Variants in ENC1 observed in about 807,000 individuals in gnomAD.
The protein encoded by ENC1 is ectodermal-neural cortex 1, also known as ectoderm-neural cortex protein 1.
In ENC1, 19 loss-of-function variants were observed where a neutral mutation model predicts 40.9. That is an observed-to-expected ratio of 0.46 (90% CI 0.32 to 0.68). The LOEUF (loss-of-function observed/expected upper bound fraction) is 0.68, where lower values mean the gene tolerates loss of function less well. Among genes scored for constraint, ENC1 ranks in the 30% least tolerant of loss-of-function variants. ENC1 has a pLI of 0.03. For synonymous variants in ENC1, 285 were observed against 291.1 expected (o/e 0.98, Z 0.21); for missense variants, 479 against 737.5 (o/e 0.65, Z 4.06).
chr5:74,639,287 ATGAAT>A (rs1747735655), intron 1 of ENC1, among the ~76,000 whole-genome samples: 1 of 152,254 alleles, frequency 6.6e-6, no homozygotes, highest in South Asian at 2.1e-4. Context: ...TCAACATAAA[ATGAAT>A]CATCTTTCGA....
Position 74,634,285 on chromosome 5 carries a change from C to T in ENC1, c.*32+399G>A, listed in dbSNP as rs574762281. On this transcript the variant is annotated intron_variant, in intron 2 of 2. Transcript: ENST00000302351. ...AAAATTAGCTAGGCCTGGTGGTGGG[C>T]GCCTGTATCCCAGCTATTCGGGAGG... is the stretch of plus-strand genomic sequence containing the variant. 5.3e-5 allele frequency among the ~76,000 whole-genome samples: 8 copies of T among 152,062 alleles called. No homozygotes were observed. The East Asian group carries it at 7.7e-4, about 15-fold the overall frequency.
chr5:74,635,066 C>T lies in ENC1; in HGVS notation c.1420G>A (p.Val474Ile), dbSNP rs771037231. Residue 474 changes from valine (V) to isoleucine (I), a missense_variant, in exon 2 of 3, where the codon GTA (valine) becomes ATA (isoleucine). Coordinates refer to ENST00000302351, the MANE Select transcript of ENC1 (RefSeq NM_003633.4). This position sits in a 1 kb window ranked among gnomAD's most constrained non-coding sequence, Gnocchi z 5.5. ...CYDQCENRWT[V>I]PATCPQPWRY... is the part of the protein sequence containing the mutation. ...CAGGGCTGGGGACAGGTGGCCGGTA[C>T]AGTCCACCTGTTTTCACACTGATCG... is the stretch of plus-strand genomic sequence containing the variant. 6.8e-6 allele frequency: 11 copies of T among 1,614,104 alleles called. No homozygotes were observed. The highest frequency in any genetic ancestry group is 1.3e-5 in the African/African-American group (1 of 74,932).
At chr5:74,631,195 C>A (rs1393295127) in intron 2 of ENC1, among the ~76,000 whole-genome samples, 1 of 150,374 alleles carries the variant, frequency 6.7e-6, no homozygotes, top group African/African-American at 2.4e-5. Flanking sequence ...ACAACAACAA[C>A]AACAACAAAA....
Position 74,636,304 on chromosome 5 carries a change from CG to C in ENC1, c.181del (p.Arg61GlyfsTer19), listed in dbSNP as rs892523386. The C allele has an allele frequency of 1.2e-6, 2 of 1,614,112 alleles. No homozygotes were observed. The highest frequency in any genetic ancestry group is 2.7e-5 in the African/African-American group (2 of 75,008). ...GCGACTGCATGCAGCCAGCACTGCCCGGTGGCAAGGGAAGGTCCTATTTCCG... is the reference window on the plus strand; with the variant it reads ...GCGACTGCATGCAGCCAGCACTGCCCGTGGCAAGGGAAGGTCCTATTTCCG... ...HAGNRTFPCH[R>X]AVLAACSRYF... On this transcript the variant is annotated frameshift_variant, in exon 2 of 3. Coordinates refer to ENST00000302351, the MANE Select transcript of ENC1 (RefSeq NM_003633.4). LOFTEE classifies it high-confidence loss of function. This position sits in a 1 kb window ranked among gnomAD's most constrained non-coding sequence, Gnocchi z 4.8.
In ENC1 at chr5:74,634,731, T is replaced by C; in HGVS notation, c.1755A>G (p.Lys585=). 3.7e-6 allele frequency: 6 copies of C among 1,608,682 alleles called. No individual in the cohort carries two copies. The highest frequency in any genetic ancestry group is 3.4e-6 in the Non-Finnish European group (4 of 1,175,318). Residue 585 remains lysine, a synonymous_variant, in exon 2 of 3, where the codon AAA becomes AAG. Transcript: ENST00000302351. ...TGTACTGCATTTAAGAAGGCAGATG[T>C]TTCCAGGTGCTGACAAATGCAGTAG... The part of the protein sequence containing the change: ...LIPTAFVSTW[K]HLPS
At chr5:74,639,116 A>T (rs1345586716) in intron 1 of ENC1, among the ~76,000 whole-genome samples, 1 of 152,258 alleles carries the variant, frequency 6.6e-6, no homozygotes, top group African/African-American at 2.4e-5. Context: ...ATGGAAAAGC[A>T]CGTCACAGTC....
Position 74,628,043 on chromosome 5 carries a change from A to G in ENC1, c.*1982T>C, listed in dbSNP as rs1450261805. The G allele has an allele frequency of 2.0e-5, 3 of 152,600 alleles. No individual in the cohort carries two copies. The highest frequency in any genetic ancestry group is 4.4e-5 in the Non-Finnish European group (3 of 68,034). 9.5% of individuals were successfully genotyped at this position (152,600 alleles called of 1,614,324 possible). ...ACATCTCTCTTGGCAGATTTGCATC[A>G]TAAACTACAGAGCTGTAACTGCTAC... is the stretch of plus-strand genomic sequence containing the variant. On this transcript the variant is annotated 3_prime_UTR_variant, in exon 3 of 3. Coordinates refer to ENST00000302351, the MANE Select transcript of ENC1 (RefSeq NM_003633.4).
At chr5:74,638,393 T>C (rs1260577338) in intron 1 of ENC1, among the ~76,000 whole-genome samples, 1 of 152,200 alleles carries the variant, frequency 6.6e-6, no homozygotes, top group African/African-American at 2.4e-5. Context: ...CTTTCCTTTT[T>C]GGAATATAAT....
rs552034936 is a variant in ENC1 at position 74,637,641 on chromosome 5, C to T, written c.-13-1143G>A. Reference sequence around the variant, plus strand: ...CAGCTGCAAGAACAAAAGATCCATCCGTCTTTTGATTAAATAGTGCATCAC... The same window carrying T: ...CAGCTGCAAGAACAAAAGATCCATCTGTCTTTTGATTAAATAGTGCATCAC... On this transcript the variant is annotated intron_variant, in intron 1 of 2. Coordinates refer to ENST00000302351, the MANE Select transcript of ENC1 (RefSeq NM_003633.4). 4.6e-5 allele frequency: 7 copies of T among 152,278 alleles called. No homozygotes were observed. In the South Asian group the frequency reaches 8.3e-4, roughly 18 times the overall value. The allele number at this position is 152,278 out of a possible 1,614,324, so 9.4% of individuals were successfully genotyped here.
At position 74,635,812 on chromosome 5, in the gene ENC1, C is replaced by A; in HGVS notation, c.674G>T (p.Arg225Leu). ...CAACAGTTCTGGGAGGTAGCAATAG[C>A]GCTTCTTCAGGTCATAGCTGATCCA... The part of the protein sequence containing the change: ...INWISYDLKK[R>L]YCYLPELLQT... The change falls in exon 2 of 3, where the codon CGC becomes CTC. Residue 225 changes from arginine to leucine, a missense_variant. Transcript: ENST00000302351. The surrounding 1 kb of genome is among the most constrained non-coding windows in gnomAD (Gnocchi z 5.5). The A allele has an allele frequency of 6.2e-7, 1 of 1,613,998 alleles. No homozygotes were observed. Among genetic ancestry groups the A allele is most frequent in the Non-Finnish European group, 8.5e-7 (1 of 1,180,012 alleles).
chr5:74,634,601 G>A (rs1237816289), intron 2 of ENC1, 83 bp downstream of exon 2: 2 of 687,236 alleles, frequency 2.9e-6, no homozygotes, highest in African/African-American at 3.6e-5. Context: ...TACAGTCTCT[G>A]TGGATCAGAT....
intron 2 of ENC1, among the ~76,000 whole-genome samples, chr5:74,634,137 G>A (rs1415888277): frequency 2.6e-5 from 4 of 152,154 alleles, no homozygotes; most frequent in Non-Finnish European, 5.9e-5. Flanking sequence ...TTCAGGGCCG[G>A]GTGCGGTGGC....
Position 74,635,376 on chromosome 5 carries a change from C to A in ENC1, c.1110G>T (p.Lys370Asn), listed in dbSNP as rs1204351441. 1 of 1,614,210 alleles carries A rather than the reference C, an allele frequency of 6.2e-7. No homozygotes were observed. The highest frequency in any genetic ancestry group is 8.5e-7 in the Non-Finnish European group (1 of 1,180,048). The change falls in exon 2 of 3, where the codon AAG becomes AAT. Residue 370 changes from lysine (K) to asparagine (N), a missense_variant. By Grantham distance (94) the Lys-to-Asn change is moderately conservative (BLOSUM62 0). Transcript: ENST00000302351. This position sits in a 1 kb window ranked among gnomAD's most constrained non-coding sequence, Gnocchi z 5.5. The stretch of plus-strand genomic sequence containing the variant: ...ACCTGGCCACCAGCATGGGGGCAGC[C>A]TTGGACCACTCCTCGTGCAGGGTAT... The part of the protein sequence containing the change: ...VYDTLHEEWS[K>N]AAPMLVARFG...
chr5:74,640,641 T>A lies in ENC1; in HGVS notation c.-348A>T, dbSNP rs1412528802. 1 of 152,166 alleles carries A rather than the reference T, an allele frequency of 6.6e-6. No homozygotes were observed. Among genetic ancestry groups the A allele is most frequent in the Non-Finnish European group, 1.5e-5 (1 of 68,204 alleles). 9.4% of individuals were successfully genotyped at this position (152,166 alleles called of 1,614,324 possible). ...CGGGGGAGGGAGCTAGAAAGCGCCT[T>A]GTGTGCCGGCGGCCGCCAGGCGTCT... On this transcript the variant is annotated 5_prime_UTR_variant, in exon 1 of 3. Coordinates refer to ENST00000302351, the MANE Select transcript of ENC1 (RefSeq NM_003633.4).
chr5:74,635,352 C>T lies in ENC1; in HGVS notation c.1134G>A (p.Arg378=), dbSNP rs1747543039. Residue 378 remains arginine, a synonymous_variant, in exon 2 of 3, where the codon AGG becomes AGA. Transcript: ENST00000302351. This position sits in a 1 kb window ranked among gnomAD's most constrained non-coding sequence, Gnocchi z 5.5. ...WSKAAPMLVA[R]FGHGSAELKH... ...TCAGTTCAGCAGAGCCATGGCCAAA[C>T]CTGGCCACCAGCATGGGGGCAGCCT... The T allele has an allele frequency of 6.2e-7, 1 of 1,614,202 alleles. No homozygotes were observed. Among genetic ancestry groups the T allele is most frequent in the Non-Finnish European group, 8.5e-7 (1 of 1,180,054 alleles).
chr5:74,637,755 CGTGTGTGTGT>C lies in ENC1; in HGVS notation c.-13-1267_-13-1258del, dbSNP rs3842030. ...ACTGCTTTATTTAAATCAAAAAATA[CGTGTGTGTGT>C]GTGTGTGTGTGTGTGTGTGTGTGTG... On this transcript the variant is annotated intron_variant, in intron 1 of 2. Transcript: ENST00000302351. 9.5e-3 allele frequency: 1,425 copies of C among 149,994 alleles called. 10 individuals are homozygous for C. Among genetic ancestry groups the C allele is most frequent in the Middle Eastern group, 0.034 (10 of 290 alleles). The allele number at this position is 149,994 out of a possible 1,614,324, so 9.3% of individuals were successfully genotyped here.
At chr5:74,632,871 A>T (rs1168152800) in intron 2 of ENC1, among the ~76,000 whole-genome samples, 1 of 152,138 alleles carries the variant, frequency 6.6e-6, no homozygotes, top group African/African-American at 2.4e-5. Context: ...TAAAATGGCA[A>T]GCTGAAATGT....
chr5:74,638,587 C>A (rs894293926), intron 1 of ENC1, among the ~76,000 whole-genome samples: 1 of 152,206 alleles, frequency 6.6e-6, no homozygotes, highest in South Asian at 2.1e-4. Context: ...TCCATTCTAA[C>A]CAATGCCCAG....
chr5:74,639,991 G>A (rs1238670314), intron 1 of ENC1: 4 of 152,238 alleles, frequency 2.6e-5, no homozygotes, highest in Non-Finnish European at 4.4e-5. Flanking sequence ...CCCCAGGAAA[G>A]CGCTGCTTTC....
Sources: gnomAD v4.1 joint callset for allele counts (sites outside exome capture counted in the v4.1 genomes callset) on GRCh38, gnomAD v4.1.1 for gene constraint, Gnocchi (gnomAD v3.1) non-coding constraint, MANE v1.5 for transcripts, NCBI Gene and HGNC (gene_info 2026-07-23, HGNC 2026-07-21) for gene names.